Variants in LINGO2 observed in about 807,000 individuals in gnomAD.
The protein encoded by LINGO2 is leucine rich repeat and Ig domain containing 2.
In LINGO2, 14 loss-of-function variants were observed where a neutral mutation model predicts 30.6. The ratio of observed to expected loss-of-function variants is 0.46; its 90% CI spans 0.30 to 0.72. The LOEUF is 0.72. Among genes scored for constraint, LINGO2 ranks in the 30% least tolerant of loss-of-function variants. LINGO2 has a pLI of 0.07. For synonymous variants in LINGO2, 317 were observed against 288.5 expected (o/e 1.10, Z -1.00); for missense variants, 729 against 751.7 (o/e 0.97, Z 0.35).
At chr9:28,725,884 G>C in the LINGO2 span, among the ~76,000 whole-genome samples, 1 of 152,008 alleles carries the variant, frequency 6.6e-6, no homozygotes, top group Non-Finnish European at 1.5e-5. Flanking sequence ...CTATTTCATT[G>C]ATGTCAAAAC....
chr9:27,981,546 A>G lies in LINGO2; in HGVS notation c.-36+30809T>C, dbSNP rs1563878733. Among the ~76,000 whole-genome samples the G allele has an allele frequency of 3.3e-5, 4 of 121,684 alleles. 1 individual carries two copies. The highest frequency in any genetic ancestry group is 1.6e-4 in the Admixed American group (2 of 12,506). The allele number at this position is 121,684 out of a possible 152,430, so 79.8% of individuals were successfully genotyped here. On this transcript the variant is annotated intron_variant, in intron 5 of 5. Transcript: ENST00000379992. ...ATGACGAGGATGGCAAAAAAAAAAA[A>G]AAAAGAAAAAAAAGAAAAAAAAAGA...
the LINGO2 span, among the ~76,000 whole-genome samples, chr9:28,688,409 T>C: frequency 6.6e-6 from 1 of 152,140 alleles, no homozygotes. Context: ...ACAAACTGTG[T>C]CTGTGTTTTT....
At chr9:28,417,126 G>A (rs1466255317) in intron 2 of LINGO2, among the ~76,000 whole-genome samples, 1 of 152,150 alleles carries the variant, frequency 6.6e-6, no homozygotes, top group East Asian at 1.9e-4. Context: ...ATATATTGCT[G>A]TGGAATTTAT....
intron 4 of LINGO2, among the ~76,000 whole-genome samples, chr9:28,071,959 T>G (rs897773371): frequency 6.6e-6 from 1 of 152,196 alleles, no homozygotes; most frequent in Admixed American, 6.6e-5. Flanking sequence ...TTATACACTA[T>G]ATAAGTCTTT....
chr9:28,862,833 G>C, the LINGO2 span, among the ~76,000 whole-genome samples: 1 of 152,074 alleles, frequency 6.6e-6, no homozygotes, highest in Non-Finnish European at 1.5e-5. Flanking sequence ...AGCTTAATCA[G>C]TTATTAAAAT....
At chr9:29,031,269 G>A in the LINGO2 span, among the ~76,000 whole-genome samples, 1 of 151,356 alleles carries the variant, frequency 6.6e-6, no homozygotes, top group Non-Finnish European at 1.5e-5. Flanking sequence ...TGGTGGTGGT[G>A]GTGATTTATT....
the LINGO2 span, among the ~76,000 whole-genome samples, chr9:29,171,000 CCTTTT>C: frequency 6.6e-6 from 1 of 151,920 alleles, no homozygotes; most frequent in African/African-American, 2.4e-5. Context: ...TGTTAATAAT[CCTTTT>C]CTTTTCTTTA....
At chr9:28,310,934 C>T (rs940752097) in intron 3 of LINGO2, among the ~76,000 whole-genome samples, 2 of 152,098 alleles carry the variant, frequency 1.3e-5, no homozygotes, top group Admixed American at 6.6e-5. Context: ...ATAACATGCT[C>T]AAGCAATTTT....
At chr9:28,263,540 T>C (rs1037560677) in intron 4 of LINGO2, among the ~76,000 whole-genome samples, 37 of 152,014 alleles carry the variant, frequency 2.4e-4, no homozygotes, top group Non-Finnish European at 4.3e-4. Flanking sequence ...TAAAATAATA[T>C]CACTTTCTAT....
At chr9:29,021,999 G>C in the LINGO2 span, among the ~76,000 whole-genome samples, 1 of 152,020 alleles carries the variant, frequency 6.6e-6, no homozygotes, top group Non-Finnish European at 1.5e-5. Flanking sequence ...TAAAGACAGA[G>C]CAGTTAAGGA....
chr9:28,659,598 C>T (rs1828507304), intron 1 of LINGO2, among the ~76,000 whole-genome samples: 1 of 152,008 alleles, frequency 6.6e-6, no homozygotes, highest in African/African-American at 2.4e-5. Context: ...TAGGTGCATG[C>T]AACCACAGCC....
the LINGO2 span, among the ~76,000 whole-genome samples, chr9:28,959,612 T>TCTCTCTCTCA: frequency 6.1e-5 from 8 of 132,162 alleles, no homozygotes; most frequent in East Asian, 2.2e-4. Context: ...TCTCTCTCCC[T>TCTCTCTCTCA]CACACACACA....
At chr9:28,174,671 A>G (rs1828693066) in intron 4 of LINGO2, among the ~76,000 whole-genome samples, 1 of 152,168 alleles carries the variant, frequency 6.6e-6, no homozygotes, top group Non-Finnish European at 1.5e-5. Context: ...CTGTACTACC[A>G]TTGTGATATA....
intron 2 of LINGO2, among the ~76,000 whole-genome samples, chr9:28,391,246 T>C (rs1048706713): frequency 1.1e-4 from 17 of 152,192 alleles, no homozygotes; most frequent in Non-Finnish European, 1.5e-4. Context: ...ATACGGAATA[T>C]TTTCATCATC....
At chr9:28,933,295 T>C in the LINGO2 span, among the ~76,000 whole-genome samples, 1 of 152,210 alleles carries the variant, frequency 6.6e-6, no homozygotes, top group Non-Finnish European at 1.5e-5. Context: ...CCCTGCTTCA[T>C]TGGGTTCCCC....
At chr9:28,985,257 A>G in the LINGO2 span, among the ~76,000 whole-genome samples, 2 of 152,032 alleles carry the variant, frequency 1.3e-5, no homozygotes, top group Non-Finnish European at 1.5e-5. Context: ...CAGATTCTTT[A>G]TCTATTCATC....
intron 4 of LINGO2, among the ~76,000 whole-genome samples, chr9:28,291,552 A>G (rs748144304): frequency 6.6e-6 from 1 of 152,234 alleles, no homozygotes; most frequent in South Asian, 2.1e-4. Context: ...TGGAATTTCT[A>G]GAATGGAATA....
chr9:28,412,793 C>T (rs867233560), intron 2 of LINGO2, among the ~76,000 whole-genome samples: 3 of 151,828 alleles, frequency 2.0e-5, no homozygotes, highest in African/African-American at 4.8e-5. Flanking sequence ...TTTAACTCAC[C>T]TTAAATGATA....
intron 1 of LINGO2, among the ~76,000 whole-genome samples, chr9:28,493,581 GAAAC>G (rs746408858): frequency 7.2e-5 from 11 of 152,250 alleles, no homozygotes; most frequent in East Asian, 5.8e-4. Flanking sequence ...GAAAAATCAT[GAAAC>G]AAACAAATAT....
Sources: gnomAD v4.1 joint callset for allele counts (sites outside exome capture counted in the v4.1 genomes callset) on GRCh38, gnomAD v4.1.1 for gene constraint, MANE v1.5 for transcripts, NCBI Gene and HGNC (gene_info 2026-07-23, HGNC 2026-07-21) for gene names.